The following SKI variants were observed in gnomAD, a reference collection of about 807,000 sequenced individuals.
SKI encodes SKI proto-oncogene.
A neutral mutation model predicts 59.3 loss-of-function variants in SKI; 23 were observed. The observed-to-expected ratio is 0.39, with a 90% CI of 0.28 to 0.55. The LOEUF (loss-of-function observed/expected upper bound fraction) is 0.55, where lower values mean the gene tolerates loss of function less well. Among genes scored for constraint, SKI ranks in the 20% least tolerant of loss-of-function variants. SKI has a pLI of 0.67. For missense variants in SKI, 1,017 were observed against 1,038.9 expected (o/e 0.98, Z 0.29); for synonymous variants, 673 against 488.6 (o/e 1.38, Z -4.98).
chr1:2,298,304 C>G (rs1031017786), intron 1 of SKI, among the ~76,000 whole-genome samples: 8 of 152,174 alleles, frequency 5.3e-5, no homozygotes, highest in African/African-American at 1.7e-4. Context: ...GCAAGTTGAA[C>G]AGAAAACTGG....
chr1:2,234,610 A>G (rs1026095401), intron 1 of SKI, among the ~76,000 whole-genome samples: 3 of 152,192 alleles, frequency 2.0e-5, no homozygotes, highest in African/African-American at 7.2e-5. Context: ...GGGCCTCCAG[A>G]GAGAAGGCGG....
In SKI at chr1:2,303,517, C is replaced by T. The variant is rs1294276866; in HGVS notation, c.1211+117C>T. The T allele has an allele frequency of 2.2e-6, 2 of 926,546 alleles. No individual in the cohort carries two copies. Among genetic ancestry groups the T allele is most frequent in the Non-Finnish European group, 3.4e-6 (2 of 595,000 alleles). 57.4% of individuals were successfully genotyped at this position (926,546 alleles called of 1,614,324 possible). ...GTGCCCAGACCTGCCGCCTTTTGGT[C>T]AGGGCAGTCTCGGTGTTGGTTCCTT... On this transcript the variant is annotated intron_variant, in intron 3 of 6. Coordinates refer to ENST00000378536, the MANE Select transcript of SKI (RefSeq NM_003036.4). The surrounding 1 kb of genome is among the most constrained non-coding windows in gnomAD (Gnocchi z 5.6).
intron 1 of SKI, chr1:2,240,935 C>G (rs758109375): frequency 1.1e-4 from 44 of 382,758 alleles, no homozygotes; most frequent in South Asian, 3.2e-4. Context: ...CTGAGATGCC[C>G]TGGGCTCCCT....
intron 1 of SKI, among the ~76,000 whole-genome samples, chr1:2,289,685 A>C (rs1006301164): frequency 6.6e-6 from 1 of 151,562 alleles, no homozygotes; most frequent in Non-Finnish European, 1.5e-5. Flanking sequence ...CCCTCCCCCG[A>C]GCCCACCGTG....
At chr1:2,291,057 G>A (rs539183573) in intron 1 of SKI, among the ~76,000 whole-genome samples, 2 of 152,336 alleles carry the variant, frequency 1.3e-5, no homozygotes, top group East Asian at 1.9e-4. Context: ...CGTCCGGGGA[G>A]GGAGCAGACC....
At chr1:2,282,135 G>A (rs1304376947) in intron 1 of SKI, among the ~76,000 whole-genome samples, 21 of 75,936 alleles carry the variant, frequency 2.8e-4, no homozygotes, top group African/African-American at 1.1e-3. Flanking sequence ...GAAGACAGGC[G>A]GTGGCGGAGA....
intron 1 of SKI, among the ~76,000 whole-genome samples, chr1:2,299,624 G>A (rs988302486): frequency 7.2e-5 from 11 of 152,212 alleles, no homozygotes; most frequent in Admixed American, 2.0e-4. Context: ...GGACCCTGTG[G>A]GATCTGGCAG....
At chr1:2,257,684 A>C (rs1639302097) in intron 1 of SKI, among the ~76,000 whole-genome samples, 2 of 151,864 alleles carry the variant, frequency 1.3e-5, no homozygotes, top group Non-Finnish European at 2.9e-5. Flanking sequence ...TATCTTCTTG[A>C]CATGTTTCTC....
At chr1:2,284,049 A>G (rs1041341241) in intron 1 of SKI, among the ~76,000 whole-genome samples, 9 of 151,478 alleles carry the variant, frequency 5.9e-5, no homozygotes, top group Non-Finnish European at 8.8e-5. Context: ...ACCCTCCCCA[A>G]CTCATGGAGA....
chr1:2,238,697 G>A (rs1166842939), intron 1 of SKI, among the ~76,000 whole-genome samples: 1 of 152,254 alleles, frequency 6.6e-6, no homozygotes, highest in East Asian at 1.9e-4. Flanking sequence ...TGCGTGTGTG[G>A]TGCTGAAGGT....
At chr1:2,294,222 C>G (rs1640233740) in intron 1 of SKI, among the ~76,000 whole-genome samples, 1 of 152,254 alleles carries the variant, frequency 6.6e-6, no homozygotes, top group South Asian at 2.1e-4. Context: ...CAGGATTCAG[C>G]TGCTGTGAGT....
At position 2,229,880 on chromosome 1, in the gene SKI, T is replaced by G; in HGVS notation, c.969+145T>G. 7.0e-7 allele frequency: 1 copy of G among 1,438,068 alleles called. No homozygotes were observed. The highest frequency in any genetic ancestry group is 2.3e-5 in the Admixed American group (1 of 44,302). 89.1% of individuals were successfully genotyped at this position (1,438,068 alleles called of 1,614,324 possible). ...AGTCTTCGCTTTGTTTTAGGGAAATTCAGAGTGTTCCGACTGGCAGGGCCA... is the reference window on the plus strand; with the variant it reads ...AGTCTTCGCTTTGTTTTAGGGAAATGCAGAGTGTTCCGACTGGCAGGGCCA... On this transcript the variant is annotated intron_variant, in intron 1 of 6. Transcript: ENST00000378536. The surrounding 1 kb of genome is among the most constrained non-coding windows in gnomAD (Gnocchi z 6.3).
chr1:2,304,172 G>T (rs1349509046), intron 4 of SKI, 70 bp downstream of exon 4: 10 of 1,592,068 alleles, frequency 6.3e-6, no homozygotes, highest in African/African-American at 2.7e-5. Flanking sequence ...AGGGGGGCTG[G>T]TCGCCGGGGG....
chr1:2,271,316 G>A (rs1338596813), intron 1 of SKI, among the ~76,000 whole-genome samples: 2 of 151,860 alleles, frequency 1.3e-5, no homozygotes, highest in African/African-American at 4.8e-5. Context: ...TGGGGGAGCC[G>A]CAGGGGGCTG....
intron 5 of SKI, 69 bp from the exon 6 acceptor site, chr1:2,305,951 C>G: frequency 8.2e-7 from 1 of 1,212,980 alleles, no homozygotes; most frequent in Non-Finnish European, 1.2e-6. Context: ...GGGCTGAGGA[C>G]TGCTGGTCAT....
At chr1:2,288,151 G>C (rs1462580288) in intron 1 of SKI, among the ~76,000 whole-genome samples, 1 of 152,144 alleles carries the variant, frequency 6.6e-6, no homozygotes, top group Non-Finnish European at 1.5e-5. Flanking sequence ...ACCACGCCTG[G>C]CTAATTTTTG....
At chr1:2,276,176 T>G (rs1423862766) in intron 1 of SKI, among the ~76,000 whole-genome samples, 1 of 152,104 alleles carries the variant, frequency 6.6e-6, no homozygotes, top group African/African-American at 2.4e-5. Flanking sequence ...CAGCCACATT[T>G]CCCAAAAAGA....
intron 1 of SKI, among the ~76,000 whole-genome samples, chr1:2,278,836 G>A (rs192759234): frequency 1.5e-3 from 225 of 152,278 alleles, no homozygotes; most frequent in African/African-American, 5.3e-3. Flanking sequence ...CAGGCCGTGA[G>A]CACTGCCCTG....
chr1:2,237,643 G>A (rs1287645770), intron 1 of SKI, among the ~76,000 whole-genome samples: 1 of 152,230 alleles, frequency 6.6e-6, no homozygotes, highest in Non-Finnish European at 1.5e-5. Context: ...TCTCTGCCGG[G>A]AAAGTAACAT....
Sources: allele counts gnomAD v4.1 joint callset (sites outside exome capture counted in the v4.1 genomes callset), GRCh38; gene constraint gnomAD v4.1.1; non-coding constraint Gnocchi (gnomAD v3.1); transcripts MANE v1.5; gene names NCBI Gene and HGNC (gene_info 2026-07-23, HGNC 2026-07-21).